Variants in MALRD1 observed in about 807,000 individuals in gnomAD.
The protein encoded by MALRD1 is MAM and LDL receptor class A domain containing 1, also known as MAM and LDL-receptor class A domain-containing protein 1.
A neutral mutation model predicts 242.1 loss-of-function variants in MALRD1; 247 were observed. That is an observed-to-expected ratio of 1.02 (90% CI 0.92 to 1.13). MALRD1 has a LOEUF of 1.13. Ranked by LOEUF, MALRD1 falls within the 50% of genes most tolerant of loss-of-function variation. The pLI, the probability that MALRD1 is intolerant of heterozygous loss-of-function variation, is 0.00. For missense variants in MALRD1, 2,989 were observed against 2,533.1 expected (o/e 1.18, Z -3.86); for synonymous variants, 995 against 866.6 (o/e 1.15, Z -2.60).
chr10:19,683,681 T>C (rs1842464530), intron 36 of MALRD1, among the ~76,000 whole-genome samples: 2 of 152,104 alleles, frequency 1.3e-5, no homozygotes, highest in African/African-American at 2.4e-5. Context: ...AAATTTATTA[T>C]GTTATGAGAG....
chr10:19,337,280 G>A (rs1369019151), intron 24 of MALRD1, among the ~76,000 whole-genome samples: 1 of 152,062 alleles, frequency 6.6e-6, no homozygotes, highest in Non-Finnish European at 1.5e-5. Context: ...AGTGCTATGA[G>A]AAAAAGATAA....
At chr10:19,234,491 T>C (rs1021559104) in intron 18 of MALRD1, among the ~76,000 whole-genome samples, 1 of 152,164 alleles carries the variant, frequency 6.6e-6, no homozygotes, top group Non-Finnish European at 1.5e-5. Flanking sequence ...ATTTCTCTCT[T>C]TTCAGTATCA....
rs1165353714 is a variant in MALRD1, at chr10:19,053,660, CA to C, written c.199+4525del. Among the ~76,000 whole-genome samples the C allele has an allele frequency of 3.9e-5, 6 of 152,030 alleles. No individual in the cohort carries two copies. In the South Asian group the frequency reaches 1.2e-3, roughly 32 times the overall value. ...AGCAGCAACTATCAAGTCTGAAAAG[CA>C]ATTGATGTTTCCATTAATCTTTTTC... On this transcript the variant is annotated intron_variant, in intron 1 of 39. Transcript: ENST00000454679.
intron 32 of MALRD1, among the ~76,000 whole-genome samples, chr10:19,545,195 T>C (rs1486353724): frequency 6.6e-6 from 1 of 152,042 alleles, no homozygotes; most frequent in African/African-American, 2.4e-5. Flanking sequence ...ATTTTTTCAT[T>C]TTATAAGGGC....
intron 19 of MALRD1, among the ~76,000 whole-genome samples, chr10:19,271,163 C>T: frequency 6.6e-6 from 1 of 152,072 alleles, no homozygotes; most frequent in Non-Finnish European, 1.5e-5. Context: ...AATGAGAAAA[C>T]AATACCTTAG....
intron 31 of MALRD1, among the ~76,000 whole-genome samples, chr10:19,508,130 G>A (rs1833226094): frequency 6.6e-6 from 1 of 152,090 alleles, no homozygotes; most frequent in Non-Finnish European, 1.5e-5. Flanking sequence ...GGGAAGAAGA[G>A]TGAGTTAAAT....
chr10:19,460,967 T>G (rs1258581885), intron 29 of MALRD1, among the ~76,000 whole-genome samples: 9 of 152,300 alleles, frequency 5.9e-5, no homozygotes, highest in African/African-American at 2.2e-4. Flanking sequence ...CAAGAATTAT[T>G]GTAGTGGTCA....
intron 13 of MALRD1, among the ~76,000 whole-genome samples, chr10:19,166,429 G>A (rs1834689634): frequency 6.6e-6 from 1 of 152,178 alleles, no homozygotes; most frequent in Non-Finnish European, 1.5e-5. Context: ...TGAGAAAGGT[G>A]GGGAGGAGGA....
chr10:19,140,882 A>G (rs1412018827), intron 10 of MALRD1, among the ~76,000 whole-genome samples: 2 of 152,158 alleles, frequency 1.3e-5, no homozygotes, highest in African/African-American at 2.4e-5. Flanking sequence ...CCTGGTGACT[A>G]TAGTTAGTAA....
At chr10:19,426,293 C>T (rs567691527) in intron 28 of MALRD1, among the ~76,000 whole-genome samples, 2 of 152,200 alleles carry the variant, frequency 1.3e-5, no homozygotes, top group East Asian at 3.9e-4. Flanking sequence ...TTCTGTTACA[C>T]TCCATTGAGT....
intron 29 of MALRD1, among the ~76,000 whole-genome samples, chr10:19,469,909 A>G (rs896146539): frequency 6.6e-6 from 1 of 152,086 alleles, no homozygotes; most frequent in Non-Finnish European, 1.5e-5. Context: ...CATATACCAC[A>G]CATCCCAAAG....
At chr10:19,609,117 G>C (rs1029111145) in intron 35 of MALRD1, among the ~76,000 whole-genome samples, 1 of 151,894 alleles carries the variant, frequency 6.6e-6, no homozygotes, top group Non-Finnish European at 1.5e-5. Flanking sequence ...TTAAAAATAG[G>C]ATCAGAAAAA....
intron 1 of MALRD1, among the ~76,000 whole-genome samples, chr10:19,053,501 A>G (rs73591906): frequency 2.0e-3 from 298 of 152,274 alleles, no homozygotes; most frequent in African/African-American, 6.6e-3. Flanking sequence ...CCTCCTGGCA[A>G]ATTGCTTCGT....
chr10:19,354,549 G>T (rs1308904983), intron 26 of MALRD1, among the ~76,000 whole-genome samples: 2 of 151,872 alleles, frequency 1.3e-5, no homozygotes, highest in African/African-American at 4.8e-5. Flanking sequence ...CCAGCCTCTG[G>T]TAACTACCAT....
intron 29 of MALRD1, among the ~76,000 whole-genome samples, chr10:19,467,392 C>CAAAAAAAA (rs71387079): frequency 3.0e-3 from 160 of 53,662 alleles, no homozygotes; most frequent in African/African-American, 0.01. Context: ...GACTCCGTCT[C>CAAAAAAAA]AAAAAAAAAA....
intron 19 of MALRD1, among the ~76,000 whole-genome samples, chr10:19,276,829 T>G (rs530007761): frequency 1.1e-3 from 175 of 152,252 alleles, no homozygotes; most frequent in African/African-American, 3.8e-3. Flanking sequence ...TCCTTTTTTT[T>G]TGTGGTGTTG....
At chr10:19,060,709 G>A (rs1321848923) in intron 1 of MALRD1, among the ~76,000 whole-genome samples, 1 of 152,104 alleles carries the variant, frequency 6.6e-6, no homozygotes, top group African/African-American at 2.4e-5. Context: ...CTTTCCTAGA[G>A]GCAATGACCA....
At position 19,317,224 on chromosome 10, in the gene MALRD1, C is replaced by A. The variant is rs1378234181; in HGVS notation, c.3420-6725C>A. ...AATAAGGCTATGATCAAGGCACTGA[C>A]ATATTTGCTGAGAGGTTTCTTATTT... On this transcript the variant is annotated intron_variant, in intron 21 of 39. Coordinates refer to ENST00000454679, the MANE Select transcript of MALRD1 (RefSeq NM_001142308.3). Among the ~76,000 whole-genome samples, 8 of 151,848 alleles carry A rather than the reference C, an allele frequency of 5.3e-5. No homozygotes were observed. The Admixed American group carries it at 5.3e-4, about 10-fold the overall frequency.
chr10:19,151,352 A>G (rs914753112), intron 11 of MALRD1, among the ~76,000 whole-genome samples: 1 of 152,132 alleles, frequency 6.6e-6, no homozygotes, highest in Non-Finnish European at 1.5e-5. Context: ...GACATATAGA[A>G]GTGCATTTTT....
Sources: gnomAD v4.1 joint callset for allele counts (sites outside exome capture counted in the v4.1 genomes callset) on GRCh38, gnomAD v4.1.1 for gene constraint, MANE v1.5 for transcripts, NCBI Gene and HGNC (gene_info 2026-07-23, HGNC 2026-07-21) for gene names.